Variants in SNTG1 observed in about 807,000 individuals in gnomAD.
SNTG1 encodes the protein gamma-1-syntrophin.
In SNTG1, 39 loss-of-function variants were observed where a neutral mutation model predicts 74.7. The ratio of observed to expected loss-of-function variants is 0.52; its 90% CI spans 0.40 to 0.68. SNTG1 has a LOEUF of 0.68. Ranked by LOEUF, SNTG1 falls within the 30% of genes least tolerant of loss-of-function variation. The probability of loss-of-function intolerance (pLI) is 0.00; values close to 1 mark genes in which losing one functional copy is unlikely to be tolerated. For missense variants in SNTG1, 685 were observed against 609.5 expected (o/e 1.12, Z -1.30); for synonymous variants, 254 against 217.1 (o/e 1.17, Z -1.49).
intron 1 of SNTG1, among the ~76,000 whole-genome samples, chr8:50,042,728 CT>C (rs1404618290): frequency 0.016 from 2,311 of 142,732 alleles, 51 homozygotes; most frequent in African/African-American, 0.047. Flanking sequence ...GGCTAATTGA[CT>C]TTTTTTTTTT....
chr8:50,120,118 T>C (rs2131350848), intron 1 of SNTG1, among the ~76,000 whole-genome samples: 1 of 141,618 alleles, frequency 7.1e-6, no homozygotes, highest in African/African-American at 2.5e-5. Context: ...TTTTGTTTTC[T>C]CCCCCTCTAG....
chr8:50,153,066 T>C (rs1034905387), intron 1 of SNTG1, among the ~76,000 whole-genome samples: 2 of 152,226 alleles, frequency 1.3e-5, no homozygotes, highest in Non-Finnish European at 2.9e-5. Flanking sequence ...TTTGGTCTTT[T>C]CACATAGTAC....
At chr8:50,557,238 AC>A (rs1479038404) in intron 12 of SNTG1, among the ~76,000 whole-genome samples, 12 of 151,328 alleles carry the variant, frequency 7.9e-5, no homozygotes, top group Admixed American at 5.3e-4. Flanking sequence ...AAAAAAAAAA[AC>A]AGGATGAAGA....
At chr8:49,981,968 A>G (rs1025607324) in intron 1 of SNTG1, among the ~76,000 whole-genome samples, 1 of 152,072 alleles carries the variant, frequency 6.6e-6, no homozygotes, top group Non-Finnish European at 1.5e-5. Context: ...TTAATTTTTT[A>G]CCGCAGGTCC....
intron 17 of SNTG1, among the ~76,000 whole-genome samples, chr8:50,714,515 T>C (rs2131572643): frequency 6.6e-6 from 1 of 152,252 alleles, no homozygotes; most frequent in Middle Eastern, 3.4e-3. Flanking sequence ...AAGCTACCCT[T>C]GACTTTCTTC....
At chr8:50,376,756 T>TATATATATATATATATATATAGAGAG (rs1381048539) in intron 2 of SNTG1, among the ~76,000 whole-genome samples, 2 of 89,952 alleles carry the variant, frequency 2.2e-5, no homozygotes, top group Non-Finnish European at 4.5e-5. Context: ...TATATATATA[T>TATATATATATATATATATATAGAGAG]AGAGAGAGAG....
intron 1 of SNTG1, among the ~76,000 whole-genome samples, chr8:50,033,668 A>G (rs1187012897): frequency 2.0e-5 from 3 of 151,944 alleles, no homozygotes; most frequent in African/African-American, 7.3e-5. Flanking sequence ...TTCTCTGTGA[A>G]TGTAGCTCCC....
intron 1 of SNTG1, among the ~76,000 whole-genome samples, chr8:49,968,543 AG>A (rs1441441802): frequency 6.6e-6 from 1 of 152,218 alleles, no homozygotes; most frequent in Non-Finnish European, 1.5e-5. Context: ...GATAAGGGCA[AG>A]AACTTGTAAT....
At chr8:50,448,548 T>C (rs1587664861) in intron 5 of SNTG1, among the ~76,000 whole-genome samples, 1 of 152,320 alleles carries the variant, frequency 6.6e-6, no homozygotes, top group East Asian at 1.9e-4. Flanking sequence ...AGTTCTATGC[T>C]TCTTTTTATA....
intron 18 of SNTG1, among the ~76,000 whole-genome samples, chr8:50,779,268 C>T (rs1256200976): frequency 1.3e-5 from 2 of 152,132 alleles, no homozygotes; most frequent in African/African-American, 2.4e-5. Flanking sequence ...ATGGGGATGG[C>T]ATTGAATCTA....
intron 4 of SNTG1, among the ~76,000 whole-genome samples, chr8:50,403,733 A>G (rs919513978): frequency 2.6e-5 from 4 of 152,220 alleles, no homozygotes; most frequent in African/African-American, 7.2e-5. Context: ...CATTTTCAAC[A>G]AATTCAAAAA....
intron 1 of SNTG1, among the ~76,000 whole-genome samples, chr8:50,154,459 C>A (rs573011218): frequency 1.3e-5 from 2 of 152,196 alleles, no homozygotes; most frequent in East Asian, 3.9e-4. Flanking sequence ...TCCAACGTGC[C>A]CCAGTGAGAT....
intron 1 of SNTG1, among the ~76,000 whole-genome samples, chr8:50,053,903 ACCAAAACTATTGATTGAGCT>A (rs1227362379): frequency 6.6e-6 from 1 of 151,966 alleles, no homozygotes; most frequent in Non-Finnish European, 1.5e-5. Context: ...TTTTTGAAAC[ACCAAAACTATTGATTGAGCT>A]CCCATCAGGT....
At chr8:50,184,285 C>A (rs1458142985) in intron 2 of SNTG1, among the ~76,000 whole-genome samples, 2 of 152,052 alleles carry the variant, frequency 1.3e-5, no homozygotes, top group Non-Finnish European at 2.9e-5. Flanking sequence ...CCTGCCTCAG[C>A]CTCCTGAATA....
chr8:50,116,275 T>C (rs1257990713), intron 1 of SNTG1, among the ~76,000 whole-genome samples: 1 of 152,186 alleles, frequency 6.6e-6, no homozygotes, highest in Non-Finnish European at 1.5e-5. Context: ...ACTTTCCAAA[T>C]GCCTTTTTTT....
chr8:50,553,671 T>G (rs920781415), intron 12 of SNTG1, among the ~76,000 whole-genome samples: 1 of 152,160 alleles, frequency 6.6e-6, no homozygotes, highest in African/African-American at 2.4e-5. Context: ...CTTCTCTGCA[T>G]TTTCTCTCTT....
chr8:50,613,853 T>G (rs2094868084), intron 13 of SNTG1, among the ~76,000 whole-genome samples: 1 of 152,138 alleles, frequency 6.6e-6, no homozygotes, highest in South Asian at 2.1e-4. Context: ...CTCCATAGAT[T>G]ATACCAAAAT....
At chr8:50,156,936 A>G (rs1213183945) in intron 1 of SNTG1, among the ~76,000 whole-genome samples, 1 of 152,166 alleles carries the variant, frequency 6.6e-6, no homozygotes, top group Non-Finnish European at 1.5e-5. Context: ...AAAATGGTAC[A>G]GTGCTTCCAT....
chr8:50,688,445 G>GA (rs1408099849), intron 15 of SNTG1, among the ~76,000 whole-genome samples: 2 of 152,162 alleles, frequency 1.3e-5, no homozygotes, highest in Admixed American at 6.5e-5. Context: ...AAGGTGTAAG[G>GA]AAGGGATCCA....
Sources: gnomAD v4.1 joint callset for allele counts (sites outside exome capture counted in the v4.1 genomes callset) on GRCh38, gnomAD v4.1.1 for gene constraint, MANE v1.5 for transcripts, NCBI Gene and HGNC (gene_info 2026-07-23, HGNC 2026-07-21) for gene names.